Variants in ADCK1 observed in about 807,000 individuals in gnomAD.
ADCK1 encodes aarF domain-containing protein kinase 1.
ADCK1 carries 41 observed loss-of-function variants against 52.3 expected under a neutral mutation model. The ratio of observed to expected loss-of-function variants is 0.78; its 90% CI spans 0.61 to 1.02. ADCK1 has a LOEUF of 1.02. Among genes scored for constraint, ADCK1 ranks in the 50% least tolerant of loss-of-function variants. ADCK1 has a pLI of 0.00. For synonymous variants in ADCK1, 250 were observed against 274.6 expected (o/e 0.91, Z 0.89); for missense variants, 658 against 679.5 (o/e 0.97, Z 0.35).
intron 7 of ADCK1, among the ~76,000 whole-genome samples, chr14:77,909,557 A>G (rs966429440): frequency 6.6e-6 from 1 of 152,130 alleles, no homozygotes; most frequent in Non-Finnish European, 1.5e-5. Context: ...TCAGCAGATG[A>G]GCCCAGGGGG....
In ADCK1 at chr14:77,894,736, G is replaced by GTTTTTTTTTTTTTTTTTT; in HGVS notation, c.583-4353_583-4336dup. Reference sequence around the variant, plus strand: ...TTATTTCTTTTTCTTTTCTTTTCTTGTTTTTTTTTTTTTTTTTTTTTTTTT... The same window carrying GTTTTTTTTTTTTTTTTTT: ...TTATTTCTTTTTCTTTTCTTTTCTTGTTTTTTTTTTTTTTTTTTTTTTTTTTTTTTTTTTTTTTTTTTT... On this transcript the variant is annotated intron_variant, in intron 5 of 10. Transcript: ENST00000238561. 1.4e-3 allele frequency among the ~76,000 whole-genome samples: 52 copies of GTTTTTTTTTTTTTTTTTT among 36,476 alleles called. 6 individuals are homozygous for GTTTTTTTTTTTTTTTTTT. The highest frequency in any genetic ancestry group is 2.1e-3 in the Non-Finnish European group (36 of 16,928). The allele number at this position is 36,476 out of a possible 152,430, so 23.9% of individuals were successfully genotyped here.
chr14:77,821,894 A>AC (rs200358824), intron 2 of ADCK1, among the ~76,000 whole-genome samples: 1,904 of 150,762 alleles, frequency 0.013, 37 homozygotes, highest in African/African-American at 0.045. Flanking sequence ...TGTCTCAGAA[A>AC]AAAAAAAAAA....
At chr14:77,827,683 C>A (rs1374149285) in intron 3 of ADCK1, among the ~76,000 whole-genome samples, 5 of 151,784 alleles carry the variant, frequency 3.3e-5, no homozygotes, top group Non-Finnish European at 7.4e-5. Flanking sequence ...AAATGAAATT[C>A]AAAAATTTTA....
chr14:77,803,814 G>T (rs572179543), intron 1 of ADCK1, among the ~76,000 whole-genome samples: 1 of 152,338 alleles, frequency 6.6e-6, no homozygotes, highest in South Asian at 2.1e-4. Flanking sequence ...GAGAACAGCA[G>T]TAAGGACTTT....
intron 5 of ADCK1, among the ~76,000 whole-genome samples, chr14:77,892,332 A>G (rs116750107): frequency 1.0e-3 from 153 of 152,326 alleles, no homozygotes; most frequent in African/African-American, 3.1e-3. Flanking sequence ...GGGGGTGGTG[A>G]CTACTGGTTG....
intron 9 of ADCK1, among the ~76,000 whole-genome samples, chr14:77,927,914 C>G (rs922528219): frequency 2.0e-5 from 3 of 152,198 alleles, no homozygotes; most frequent in Admixed American, 2.0e-4. Context: ...CAAAGCCCTT[C>G]GTAGGCTCTG....
chr14:77,876,655 C>T (rs1030871865), intron 4 of ADCK1, among the ~76,000 whole-genome samples: 2 of 152,144 alleles, frequency 1.3e-5, no homozygotes, highest in African/African-American at 4.8e-5. Flanking sequence ...GAGCATGCGC[C>T]CCAGTAAACC....
intron 4 of ADCK1, among the ~76,000 whole-genome samples, chr14:77,869,866 AGAGG>A (rs1348663661): frequency 2.0e-5 from 3 of 152,088 alleles, no homozygotes. Context: ...TTCACACCTA[AGAGG>A]GCCTGACCCT....
At chr14:77,817,502 C>G (rs1171093971) in intron 1 of ADCK1, among the ~76,000 whole-genome samples, 1 of 152,186 alleles carries the variant, frequency 6.6e-6, no homozygotes, top group African/African-American at 2.4e-5. Flanking sequence ...GGGAAGCACT[C>G]TGTTGGGTGC....
At chr14:77,839,324 G>A (rs1467191510) in intron 3 of ADCK1, among the ~76,000 whole-genome samples, 2 of 152,166 alleles carry the variant, frequency 1.3e-5, no homozygotes, top group Non-Finnish European at 2.9e-5. Flanking sequence ...CTGGCTGGGC[G>A]TGGGAAAGCC....
At chr14:77,843,226 C>T (rs563931226) in intron 3 of ADCK1, among the ~76,000 whole-genome samples, 129 of 152,192 alleles carry the variant, frequency 8.5e-4, no homozygotes, top group African/African-American at 3.0e-3. Context: ...CACCAGCCCC[C>T]AAGAGCCCCA....
At chr14:77,817,836 C>T (rs113323186) in intron 1 of ADCK1, among the ~76,000 whole-genome samples, 3 of 151,852 alleles carry the variant, frequency 2.0e-5, no homozygotes, top group African/African-American at 2.4e-5. Flanking sequence ...TCCGGGTTCA[C>T]GCCATTCTCC....
chr14:77,858,503 G>T lies in ADCK1; in HGVS notation c.220-573G>T, dbSNP rs891921514. On this transcript the variant is annotated intron_variant, in intron 3 of 10. Transcript: ENST00000238561. ...GATCCACCTGCCTTGGCCTCCCAAAGTGTTGGGATTACAAGCGTGAGCCAC... is the reference window on the plus strand; with the variant it reads ...GATCCACCTGCCTTGGCCTCCCAAATTGTTGGGATTACAAGCGTGAGCCAC... Among the ~76,000 whole-genome samples the T allele has an allele frequency of 4.6e-5, 7 of 152,118 alleles. No individual in the cohort carries two copies. In the South Asian group the frequency reaches 1.4e-3, roughly 31 times the overall value.
intron 10 of ADCK1, among the ~76,000 whole-genome samples, chr14:77,932,542 C>T (rs1415276853): frequency 1.3e-5 from 2 of 152,176 alleles, no homozygotes; most frequent in Non-Finnish European, 2.9e-5. Context: ...CAATTTCCAG[C>T]CCTTCCGTGC....
chr14:77,832,368 T>C (rs962422971), intron 3 of ADCK1, among the ~76,000 whole-genome samples: 1 of 152,224 alleles, frequency 6.6e-6, no homozygotes, highest in Non-Finnish European at 1.5e-5. Flanking sequence ...AATCTCATGT[T>C]CTTTGCACTT....
chr14:77,887,147 C>T lies in ADCK1; in HGVS notation c.480C>T (p.Ala160=), dbSNP rs764456452. The change falls in exon 5 of 11, where the codon GCC becomes GCT. Residue 160 remains alanine (A), a synonymous_variant. Transcript: ENST00000238561. ...DDTPLGTASL[A]QVHKAVLHDG... ...CCCCTCTGGGGACGGCCTCCCTGGC[C>T]CAGGTCCACAAGGCAGTGCTGCATG... 2 of 1,609,076 alleles carry T rather than the reference C, an allele frequency of 1.2e-6. No individual in the cohort carries two copies. Among genetic ancestry groups the T allele is most frequent in the East Asian group, 4.5e-5 (2 of 44,272 alleles).
In ADCK1 at chr14:77,859,603, G is replaced by A. The variant is rs767942754; in HGVS notation, c.423+324G>A. Among the ~76,000 whole-genome samples, 8 of 152,292 alleles carry A rather than the reference G, an allele frequency of 5.3e-5. No individual in the cohort carries two copies. The South Asian group carries it at 1.2e-3, about 24-fold the overall frequency. ...TTATTGAAGCTTTATCCTCAGTAGGGCTTTGAAGCCCCATCCCATCTGGTT... is the reference window on the plus strand; with the variant it reads ...TTATTGAAGCTTTATCCTCAGTAGGACTTTGAAGCCCCATCCCATCTGGTT... On this transcript the variant is annotated intron_variant, in intron 4 of 10. Coordinates refer to ENST00000238561, the MANE Select transcript of ADCK1 (RefSeq NM_020421.4).
At chr14:77,830,780 T>G (rs1353359964) in intron 3 of ADCK1, among the ~76,000 whole-genome samples, 1 of 152,188 alleles carries the variant, frequency 6.6e-6, no homozygotes, top group African/African-American at 2.4e-5. Flanking sequence ...GTGACCTTGA[T>G]TGCTACTTTG....
intron 4 of ADCK1, among the ~76,000 whole-genome samples, chr14:77,881,404 T>C (rs1038038256): frequency 6.6e-6 from 1 of 152,216 alleles, no homozygotes; most frequent in Non-Finnish European, 1.5e-5. Flanking sequence ...GTCTTGGAAG[T>C]CCCATGCTAT....
Sources: gnomAD v4.1 joint callset for allele counts (sites outside exome capture counted in the v4.1 genomes callset) on GRCh38, gnomAD v4.1.1 for gene constraint, MANE v1.5 for transcripts, NCBI Gene and HGNC (gene_info 2026-07-23, HGNC 2026-07-21) for gene names.